Variants in SLIT3 observed in about 807,000 individuals in gnomAD.
SLIT3 encodes slit guidance ligand 3.
SLIT3 carries 68 observed loss-of-function variants against 184.0 expected under a neutral mutation model. The ratio of observed to expected loss-of-function variants is 0.37; its 90% CI spans 0.30 to 0.45. SLIT3 has a LOEUF of 0.45. SLIT3 is among the 20% of genes least tolerant of loss of function. The pLI is 1.00. For synonymous variants in SLIT3, 831 were observed against 828.6 expected, an observed-to-expected ratio of 1.00 and a Z score of -0.05; for missense variants, 1,707 against 2,026.0, an observed-to-expected ratio of 0.84 and a Z score of 3.02.
chr5:169,016,934 G>C (rs946456839), intron 4 of SLIT3, among the ~76,000 whole-genome samples: 1 of 152,154 alleles, frequency 6.6e-6, no homozygotes, highest in Non-Finnish European at 1.5e-5. Flanking sequence ...CTGAGCAACA[G>C]ACTGATCCCA....
At chr5:169,118,506 G>C (rs1391906788) in intron 4 of SLIT3, among the ~76,000 whole-genome samples, 1 of 152,196 alleles carries the variant, frequency 6.6e-6, no homozygotes, top group African/African-American at 2.4e-5. Flanking sequence ...TGAGTTACTG[G>C]TTTTGTTCTG....
Position 168,751,787 on chromosome 5 carries a change from G to T in SLIT3, c.1973+1168C>A, listed in dbSNP as rs1255661025. Among the ~76,000 whole-genome samples, 5 of 151,308 alleles carry T rather than the reference G, an allele frequency of 3.3e-5. No homozygotes were observed. The East Asian group carries it at 9.7e-4, about 29-fold the overall frequency. ...CTCGCTCTGTTGCCAGGCTGGAGTGGAGTGCAGTGGCACAATCTCGAGTCA... is the reference window on the plus strand; with the variant it reads ...CTCGCTCTGTTGCCAGGCTGGAGTGTAGTGCAGTGGCACAATCTCGAGTCA... On this transcript the variant is annotated intron_variant, in intron 18 of 35. Coordinates refer to ENST00000519560, the MANE Select transcript of SLIT3 (RefSeq NM_003062.4).
chr5:168,686,044 T>C (rs1275975350), intron 30 of SLIT3, 117 bp from the exon 31 acceptor site: 7 of 1,196,744 alleles, frequency 5.8e-6, no homozygotes, highest in Non-Finnish European at 7.8e-6. Flanking sequence ...GAAATGACAC[T>C]AGTTCTAGGG....
intron 4 of SLIT3, among the ~76,000 whole-genome samples, chr5:169,153,090 T>G (rs901238582): frequency 6.6e-6 from 1 of 152,232 alleles, no homozygotes; most frequent in African/African-American, 2.4e-5. Context: ...TCCCATAGTG[T>G]GTGTCTGGAT....
At chr5:169,206,509 G>A (rs1208945173) in intron 3 of SLIT3, among the ~76,000 whole-genome samples, 4 of 152,220 alleles carry the variant, frequency 2.6e-5, no homozygotes, top group Middle Eastern at 3.2e-3. Flanking sequence ...GTACAACTCA[G>A]CACAAATTTT....
chr5:168,708,394 G>A (rs1762441758), intron 25 of SLIT3: 1 of 473,728 alleles, frequency 2.1e-6, no homozygotes, highest in South Asian at 2.4e-5. Context: ...TGCAAACAAT[G>A]CACCATAATT....
At chr5:168,681,139 A>G (rs1761576429) in intron 32 of SLIT3, among the ~76,000 whole-genome samples, 1 of 152,216 alleles carries the variant, frequency 6.6e-6, no homozygotes. Flanking sequence ...ACACAGTGAG[A>G]CACTGTCTCC....
In SLIT3 at chr5:168,687,135, C is replaced by A; in HGVS notation, c.3177-19G>T. 6.2e-7 allele frequency: 1 copy of A among 1,609,786 alleles called. No individual in the cohort carries two copies. Among genetic ancestry groups the A allele is most frequent in the Non-Finnish European group, 8.5e-7 (1 of 1,176,244 alleles). ...CTCGCAGCTGGAACATAGGCAGAGG[C>A]AAGGCCGTTCCTCAAGGCAAAGCCA... is the stretch of plus-strand genomic sequence containing the variant. On this transcript the variant is annotated intron_variant, in intron 29 of 35. Transcript: ENST00000519560.
intron 5 of SLIT3, among the ~76,000 whole-genome samples, chr5:168,847,946 G>T (rs931629131): frequency 6.6e-6 from 1 of 152,176 alleles, no homozygotes; most frequent in Non-Finnish European, 1.5e-5. Flanking sequence ...CCTGCAACAT[G>T]CACGCTATCA....
At chr5:168,895,568 G>C (rs1024340224) in intron 4 of SLIT3, among the ~76,000 whole-genome samples, 19 of 152,196 alleles carry the variant, frequency 1.2e-4, no homozygotes, top group Non-Finnish European at 2.8e-4. Context: ...TCAGCACCCT[G>C]AGTTGCAAAG....
chr5:169,262,355 G>C (rs1766221870), intron 1 of SLIT3, among the ~76,000 whole-genome samples: 1 of 152,186 alleles, frequency 6.6e-6, no homozygotes, highest in Admixed American at 6.5e-5. Flanking sequence ...AGGGTGTCCA[G>C]GAAGAACCTC....
At chr5:169,147,789 G>A (rs758070842) in intron 4 of SLIT3, among the ~76,000 whole-genome samples, 1 of 152,126 alleles carries the variant, frequency 6.6e-6, no homozygotes, top group Non-Finnish European at 1.5e-5. Context: ...ACCTGCGCCA[G>A]CTGTCAAGTA....
intron 4 of SLIT3, among the ~76,000 whole-genome samples, chr5:168,939,847 C>T (rs930156966): frequency 7.2e-5 from 11 of 152,184 alleles, no homozygotes; most frequent in African/African-American, 1.2e-4. Context: ...ACACTTTCCA[C>T]GTGCCTGGCA....
intron 1 of SLIT3, among the ~76,000 whole-genome samples, chr5:169,275,504 G>GT (rs1378559099): frequency 1.3e-5 from 2 of 152,062 alleles, no homozygotes; most frequent in African/African-American, 4.8e-5. Flanking sequence ...GTATTAATCT[G>GT]TTTTTTTACG....
chr5:168,876,510 A>G (rs995863469), intron 5 of SLIT3, among the ~76,000 whole-genome samples: 2 of 152,080 alleles, frequency 1.3e-5, no homozygotes, highest in African/African-American at 4.8e-5. Flanking sequence ...ATCTCTCACG[A>G]GCATCAACTC....
At chr5:168,905,949 G>A (rs956326275) in intron 4 of SLIT3, among the ~76,000 whole-genome samples, 6 of 152,200 alleles carry the variant, frequency 3.9e-5, no homozygotes, top group Non-Finnish European at 5.9e-5. Flanking sequence ...AGCATTAAAG[G>A]AGGTGAACGC....
At chr5:169,017,051 T>C in intron 4 of SLIT3, among the ~76,000 whole-genome samples, 1 of 152,184 alleles carries the variant, frequency 6.6e-6, no homozygotes, top group Non-Finnish European at 1.5e-5. Context: ...TGCAGAACTC[T>C]AGTATTCTTG....
intron 4 of SLIT3, among the ~76,000 whole-genome samples, chr5:169,089,019 C>CG (rs1759452126): frequency 3.9e-5 from 1 of 25,540 alleles, no homozygotes; most frequent in Non-Finnish European, 7.6e-5. Flanking sequence ...GACTCCATCT[C>CG]AAAAAAAAAA....
chr5:169,249,480 T>G (rs1765703386), intron 2 of SLIT3, among the ~76,000 whole-genome samples: 1 of 152,224 alleles, frequency 6.6e-6, no homozygotes, highest in East Asian at 1.9e-4. Flanking sequence ...AAATTGGAGT[T>G]TTTATTAGTC....
Sources: gnomAD v4.1 joint callset for allele counts (sites outside exome capture counted in the v4.1 genomes callset) on GRCh38, gnomAD v4.1.1 for gene constraint, MANE v1.5 for transcripts, NCBI Gene and HGNC (gene_info 2026-07-23, HGNC 2026-07-21) for gene names.